Variants in NRG1 observed in about 807,000 individuals in gnomAD.
NRG1 encodes neuregulin 1.
NRG1 carries 18 observed loss-of-function variants against 63.8 expected under a neutral mutation model. The observed-to-expected ratio is 0.28, with a 90% confidence interval of 0.19 to 0.42. NRG1 has a LOEUF of 0.42. NRG1 is among the 10% of genes least tolerant of loss of function. The pLI is 1.00. For synonymous variants in NRG1, 302 were observed against 301.3 expected, an observed-to-expected ratio of 1.00 and a Z score of -0.02; for missense variants, 762 against 814.7, an observed-to-expected ratio of 0.94 and a Z score of 0.79.
intron 1 of NRG1, among the ~76,000 whole-genome samples, chr8:31,978,745 T>C (rs968048761): frequency 6.6e-6 from 1 of 152,154 alleles, no homozygotes; most frequent in African/African-American, 2.4e-5. Flanking sequence ...GTTTGCCAGA[T>C]GTTACCTGAG....
At chr8:31,955,915 C>T (rs1804286666) in intron 1 of NRG1, among the ~76,000 whole-genome samples, 1 of 151,650 alleles carries the variant, frequency 6.6e-6, no homozygotes, top group African/African-American at 2.4e-5. Context: ...GTAGTGTCTG[C>T]CTGTAGTCCC....
chr8:31,748,419 A>G (rs750236795), intron 1 of NRG1, among the ~76,000 whole-genome samples: 2 of 151,944 alleles, frequency 1.3e-5, no homozygotes, highest in African/African-American at 4.8e-5. Context: ...GATTGGGCCA[A>G]TGTTTGAACC....
chr8:32,468,789 A>G (rs1243708770), intron 1 of NRG1, among the ~76,000 whole-genome samples: 4 of 151,364 alleles, frequency 2.6e-5, no homozygotes. Flanking sequence ...AGGGACTACT[A>G]ATGTTACACC....
chr8:32,340,235 A>G (rs910360161), intron 1 of NRG1, among the ~76,000 whole-genome samples: 1 of 152,232 alleles, frequency 6.6e-6, no homozygotes, highest in Non-Finnish European at 1.5e-5. Context: ...ATATGCATGT[A>G]TGCATACATA....
At chr8:31,891,740 T>A (rs2129614002) in intron 1 of NRG1, among the ~76,000 whole-genome samples, 1 of 152,258 alleles carries the variant, frequency 6.6e-6, no homozygotes, top group South Asian at 2.1e-4. Context: ...TGGAAACATC[T>A]CCAGTGTCCA....
intron 1 of NRG1, among the ~76,000 whole-genome samples, chr8:31,978,299 A>G (rs1484245894): frequency 6.6e-6 from 1 of 152,066 alleles, no homozygotes; most frequent in African/African-American, 2.4e-5. Flanking sequence ...ATTAGAAATG[A>G]TGATATGTTG....
Position 31,640,742 on chromosome 8 carries a change from C to CTTA in NRG1, c.37+1311_37+1312insTTA. On this transcript the variant is annotated intron_variant, in intron 1 of 10. Transcript: ENST00000519301. This position sits in a 1 kb window ranked among gnomAD's most constrained non-coding sequence, Gnocchi z 6.3. ...TGCAAGCGGTGCGGTAAGTTCCTCG[C>CTTA]CCTTGGGGGCGCGAACCCGCGGCGA... 5 of 1,518,020 alleles carry CTTA rather than the reference C, an allele frequency of 3.3e-6. No homozygotes were observed. Among genetic ancestry groups the CTTA allele is most frequent in the Non-Finnish European group, 4.4e-6 (5 of 1,131,936 alleles). The allele number at this position is 1,518,020 out of a possible 1,614,324, so 94.0% of individuals were successfully genotyped here.
chr8:32,624,335 GGGCAGAT>G (rs1282815469), intron 5 of NRG1, among the ~76,000 whole-genome samples: 4 of 152,140 alleles, frequency 2.6e-5, no homozygotes, highest in African/African-American at 7.2e-5. Flanking sequence ...GGGTTAGTGA[GGGCAGAT>G]GGGCTCAGCC....
intron 1 of NRG1, among the ~76,000 whole-genome samples, chr8:31,777,615 A>G (rs142734906): frequency 9.4e-4 from 143 of 152,346 alleles, no homozygotes; most frequent in Non-Finnish European, 7.8e-4. Context: ...TTTATAAAGA[A>G]AAGAGGTTTA....
downstream of NRG1, among the ~76,000 whole-genome samples, chr8:32,772,594 G>A (rs1831887840): frequency 6.6e-6 from 1 of 151,836 alleles, no homozygotes; most frequent in Non-Finnish European, 1.5e-5. Flanking sequence ...TTGTCTTCTG[G>A]TCCCTAGATG....
chr8:31,978,293 G>T (rs1200115926), intron 1 of NRG1, among the ~76,000 whole-genome samples: 1 of 151,926 alleles, frequency 6.6e-6, no homozygotes, highest in African/African-American at 2.4e-5. Context: ...CTAAATATTA[G>T]AAATGATGAT....
intron 1 of NRG1, among the ~76,000 whole-genome samples, chr8:31,845,934 A>C (rs1477949268): frequency 6.6e-6 from 1 of 152,216 alleles, no homozygotes; most frequent in East Asian, 1.9e-4. Flanking sequence ...AGGGAAATCA[A>C]TCTTGGTTCT....
intron 1 of NRG1, among the ~76,000 whole-genome samples, chr8:31,721,802 C>T (rs1363010880): frequency 6.6e-6 from 1 of 152,076 alleles, no homozygotes; most frequent in African/African-American, 2.4e-5. Flanking sequence ...ATTGCATCTC[C>T]TCAGTTGTCC....
chr8:32,332,166 A>G (rs1431597292), intron 1 of NRG1, among the ~76,000 whole-genome samples: 1 of 152,138 alleles, frequency 6.6e-6, no homozygotes, highest in African/African-American at 2.4e-5. Flanking sequence ...GTTGTAAGTT[A>G]TTCAAACCCA....
chr8:32,474,171 T>C (rs774699365), intron 1 of NRG1, among the ~76,000 whole-genome samples: 2 of 152,250 alleles, frequency 1.3e-5, no homozygotes, highest in South Asian at 2.1e-4. Context: ...CCCATACTTG[T>C]AGGTAAAACA....
At chr8:32,392,655 C>A (rs754551260) in intron 1 of NRG1, among the ~76,000 whole-genome samples, 3 of 152,086 alleles carry the variant, frequency 2.0e-5, no homozygotes, top group Non-Finnish European at 4.4e-5. Context: ...TATTATCCAG[C>A]AGAGGGAATT....
chr8:32,327,900 G>A (rs1387256122), intron 1 of NRG1, among the ~76,000 whole-genome samples: 1 of 152,190 alleles, frequency 6.6e-6, no homozygotes, highest in East Asian at 1.9e-4. Context: ...AATTTGGAAG[G>A]TTAGAAAAAG....
intron 1 of NRG1, among the ~76,000 whole-genome samples, chr8:32,115,228 A>G (rs1358277172): frequency 6.6e-6 from 1 of 151,898 alleles, no homozygotes; most frequent in African/African-American, 2.4e-5. Context: ...ATGGAGTTTC[A>G]TCACGTTGGC....
intron 1 of NRG1, among the ~76,000 whole-genome samples, chr8:32,587,691 TG>T (rs1477527562): frequency 6.6e-6 from 1 of 152,190 alleles, no homozygotes; most frequent in East Asian, 1.9e-4. Context: ...AGTCCTACTT[TG>T]GGTTAGGAGA....
Sources: allele counts gnomAD v4.1 joint callset (sites outside exome capture counted in the v4.1 genomes callset), GRCh38; gene constraint gnomAD v4.1.1; non-coding constraint Gnocchi (gnomAD v3.1); transcripts MANE v1.5; gene names NCBI Gene and HGNC (gene_info 2026-07-23, HGNC 2026-07-21).